The following SOS1 variants were observed in gnomAD, a reference collection of about 807,000 sequenced individuals.
SOS1 encodes SOS Ras/Rac guanine nucleotide exchange factor 1, also known as son of sevenless homolog 1.
A neutral mutation model predicts 157.6 loss-of-function variants in SOS1; 25 were observed. The observed-to-expected ratio is 0.16, with a 90% confidence interval of 0.12 to 0.22. The LOEUF is 0.22. Ranked by LOEUF, SOS1 falls within the 10% of genes least tolerant of loss-of-function variation. The pLI is 1.00. For synonymous variants in SOS1, 528 were observed against 534.0 expected (o/e 0.99, Z 0.16); for missense variants, 1,237 against 1,599.1 (o/e 0.77, Z 3.86).
intron 10 of SOS1, among the ~76,000 whole-genome samples, chr2:39,017,562 T>C (rs1399930683): frequency 2.6e-5 from 4 of 152,008 alleles, no homozygotes; most frequent in Non-Finnish European, 5.9e-5. Context: ...GAGTTGTTTT[T>C]AGCTTGACTG....
chr2:39,018,330 C>G (rs905084935), intron 10 of SOS1, among the ~76,000 whole-genome samples: 7 of 151,804 alleles, frequency 4.6e-5, no homozygotes, highest in Admixed American at 1.3e-4. Context: ...TCCCCCTCAT[C>G]ATTAGAGATA....
At position 39,054,827 on chromosome 2, in the gene SOS1, TAC is replaced by T. The variant is rs1671149258; in HGVS notation, c.511-6_511-5del. ...GATGAAACATATCCATCAATACCTA[TAC>T]AGTCAGAGATATAAAAAAGTATAAT... On this transcript the variant is annotated splice_polypyrimidine_tract_variant and splice_region_variant and intron_variant, in intron 4 of 22. Transcript: ENST00000402219. The T allele has an allele frequency of 7.8e-7, 1 of 1,282,706 alleles. No homozygotes were observed. The highest frequency in any genetic ancestry group is 1.1e-6 in the Non-Finnish European group (1 of 879,196). 79.5% of individuals were successfully genotyped at this position (1,282,706 alleles called of 1,614,324 possible). A position where few individuals can be genotyped will look rare whatever the true frequency, so the allele number is the denominator to read the frequency against.
chr2:39,054,101 G>A (rs1338194751), intron 5 of SOS1, among the ~76,000 whole-genome samples: 2 of 152,036 alleles, frequency 1.3e-5, no homozygotes, highest in African/African-American at 4.8e-5. Flanking sequence ...CTAATTTTTT[G>A]TATTTTTAGT....
At chr2:39,087,671 C>CTTTAT (rs1287014585) in intron 1 of SOS1, among the ~76,000 whole-genome samples, 5 of 152,036 alleles carry the variant, frequency 3.3e-5, no homozygotes, top group African/African-American at 4.8e-5. Flanking sequence ...TCAGAAAGTG[C>CTTTAT]TTTATTTTAT....
Position 38,982,940 on chromosome 2 carries a change from T to G in SOS1, c.*2884A>C, listed in dbSNP as rs1026865681. 2.0e-5 allele frequency: 3 copies of G among 152,172 alleles called. No homozygotes were observed. The highest frequency in any genetic ancestry group is 7.2e-5 in the African/African-American group (3 of 41,466). The allele number at this position is 152,172 out of a possible 1,614,324, so 9.4% of individuals were successfully genotyped here. A position where few individuals can be genotyped will look rare whatever the true frequency, so the allele number is the denominator to read the frequency against. On this transcript the variant is annotated 3_prime_UTR_variant, in exon 23 of 23. Coordinates refer to ENST00000402219, the MANE Select transcript of SOS1 (RefSeq NM_005633.4). ...TGACTGTAGTATTAGTGTGGCATGC[T>G]CTTTGTCAAATTCAGATCCATTAAA...
chr2:39,116,766 G>C (rs1290775036), intron 1 of SOS1, among the ~76,000 whole-genome samples: 2 of 152,160 alleles, frequency 1.3e-5, no homozygotes, highest in African/African-American at 4.8e-5. Flanking sequence ...TGGGAGGATA[G>C]CTTAAGCCCA....
At chr2:39,002,992 G>C (rs754740140) in intron 17 of SOS1, among the ~76,000 whole-genome samples, 14 of 151,422 alleles carry the variant, frequency 9.2e-5, no homozygotes, top group Non-Finnish European at 1.3e-4. Flanking sequence ...TTGAGCCCAT[G>C]AGGTGGAGGA....
intron 11 of SOS1, among the ~76,000 whole-genome samples, 185 bp from the exon 12 acceptor site, chr2:39,014,174 A>T (rs1221892870): frequency 6.6e-6 from 1 of 152,140 alleles, no homozygotes; most frequent in African/African-American, 2.4e-5. Context: ...ATTATTTTAA[A>T]ATTTTTAAAA....
intron 1 of SOS1, among the ~76,000 whole-genome samples, chr2:39,104,192 G>C (rs1181067712): frequency 6.6e-6 from 1 of 152,148 alleles, no homozygotes; most frequent in African/African-American, 2.4e-5. Context: ...CGAGGCAGGA[G>C]AATTGCTTGA....
chr2:39,052,589 A>T (rs1671058348), intron 5 of SOS1, among the ~76,000 whole-genome samples: 1 of 152,090 alleles, frequency 6.6e-6, no homozygotes, highest in South Asian at 2.1e-4. Flanking sequence ...TTTTGCTTAT[A>T]TTTCTGAGAT....
chr2:39,115,402 CTCTCTTTTT>C (rs1673608999), intron 1 of SOS1, among the ~76,000 whole-genome samples: 3 of 99,556 alleles, frequency 3.0e-5, no homozygotes, highest in Admixed American at 2.4e-4. Flanking sequence ...AATTTGTTCT[CTCTCTTTTT>C]TTTTTTTTTT....
chr2:39,044,141 G>A (rs1318888507), intron 6 of SOS1, among the ~76,000 whole-genome samples: 1 of 152,174 alleles, frequency 6.6e-6, no homozygotes, highest in African/African-American at 2.4e-5. Context: ...TAGATCACTT[G>A]AGGCCAAGAG....
intron 1 of SOS1, among the ~76,000 whole-genome samples, chr2:39,114,698 A>G (rs1205883101): frequency 2.0e-5 from 3 of 151,530 alleles, no homozygotes; most frequent in African/African-American, 4.9e-5. Flanking sequence ...TCCAACTCCC[A>G]GGATTCTTGT....
intron 17 of SOS1, among the ~76,000 whole-genome samples, chr2:39,003,128 GA>G (rs1669167440): frequency 6.6e-6 from 1 of 151,338 alleles, no homozygotes; most frequent in Non-Finnish European, 1.5e-5. Context: ...AATTAATAAT[GA>G]TTTTTTTTAA....
chr2:39,023,501 T>C (rs990617647), intron 9 of SOS1, among the ~76,000 whole-genome samples: 1 of 151,970 alleles, frequency 6.6e-6, no homozygotes, highest in Non-Finnish European at 1.5e-5. Flanking sequence ...ACTAAATATT[T>C]AGAATGACAA....
In SOS1 at chr2:39,120,442, T is replaced by C. The variant is rs751863512; in HGVS notation, c.-20A>G. On this transcript the variant is annotated 5_prime_UTR_variant, in exon 1 of 23. Coordinates refer to ENST00000402219, the MANE Select transcript of SOS1 (RefSeq NM_005633.4). The stretch of plus-strand genomic sequence containing the variant: ...CTGCATGGTGCCCCCGGGGCGCCTC[T>C]GGGCGGGGAGAGGGGCGGCGGCGGC... The C allele has an allele frequency of 1.3e-6, 2 of 1,566,872 alleles. No homozygotes were observed. Among genetic ancestry groups the C allele is most frequent in the South Asian group, 1.2e-5 (1 of 86,898 alleles).
chr2:39,123,060 C>T (rs1004748153), upstream of SOS1, among the ~76,000 whole-genome samples: 20 of 152,284 alleles, frequency 1.3e-4, no homozygotes, highest in African/African-American at 4.8e-4. Flanking sequence ...CCTCGCCTCA[C>T]CACACTCCAG....
At chr2:38,992,659 T>G (rs967114351) in intron 20 of SOS1, 9 of 152,200 alleles carry the variant, frequency 5.9e-5, no homozygotes, top group African/African-American at 2.2e-4. Flanking sequence ...CAAAGAGAAG[T>G]AGAATTTGCA....
Position 39,056,876 on chromosome 2 carries a change from TAAAAG to T in SOS1, c.346-15_346-11del, listed in dbSNP as rs753792107. The T allele has an allele frequency of 1.3e-6, 2 of 1,591,090 alleles. No homozygotes were observed. The highest frequency in any genetic ancestry group is 2.2e-5 in the East Asian group (1 of 44,644). Reference sequence around the variant, plus strand: ...TATAACCTAGGACCTCCTGCAAAATTAAAAGAAAAGCATGTTTAAACATCATATAC... The same window carrying T: ...TATAACCTAGGACCTCCTGCAAAATTAAAAGCATGTTTAAACATCATATAC... On this transcript the variant is annotated splice_polypyrimidine_tract_variant and intron_variant, in intron 3 of 22. Coordinates refer to ENST00000402219, the MANE Select transcript of SOS1 (RefSeq NM_005633.4).
Sources: gnomAD v4.1 joint callset for allele counts (sites outside exome capture counted in the v4.1 genomes callset) on GRCh38, gnomAD v4.1.1 for gene constraint, MANE v1.5 for transcripts, NCBI Gene and HGNC (gene_info 2026-07-23, HGNC 2026-07-21) for gene names.